Variants in USP6 observed in about 807,000 individuals in gnomAD.
USP6 encodes the protein ubiquitin specific peptidase 6, also known as ubiquitin carboxyl-terminal hydrolase 6.
USP6 carries 128 observed loss-of-function variants against 175.7 expected under a neutral mutation model. The observed-to-expected ratio is 0.73, with a 90% CI of 0.63 to 0.84. The LOEUF (loss-of-function observed/expected upper bound fraction) is 0.84. USP6 is among the 40% of genes least tolerant of loss of function. The pLI, the probability that USP6 is intolerant of heterozygous loss-of-function variation, is 0.00. For synonymous variants in USP6, 562 were observed against 630.6 expected, an observed-to-expected ratio of 0.89 and a Z score of 1.63; for missense variants, 1,498 against 1,760.3, an observed-to-expected ratio of 0.85 and a Z score of 2.67.
chr17:5,165,666 T>C (rs1373896217), intron 33 of USP6, among the ~76,000 whole-genome samples: 2 of 152,216 alleles, frequency 1.3e-5, no homozygotes, highest in Non-Finnish European at 2.9e-5. Flanking sequence ...AATAGTCTTA[T>C]ATGAAAACTA....
At chr17:5,135,331 A>G (rs2073218517) in intron 16 of USP6, 49 bp downstream of exon 16, 31 of 1,602,066 alleles carry the variant, frequency 1.9e-5, no homozygotes, top group Non-Finnish European at 2.6e-5. Context: ...CCATATTCAC[A>G]GGAGTGGGTG....
In USP6 at chr17:5,171,695, C is replaced by G. The variant is rs2074221185; in HGVS notation, c.4047+16C>G. 6.2e-7 allele frequency: 1 copy of G among 1,610,812 alleles called. No individual in the cohort carries two copies. Among genetic ancestry groups the G allele is most frequent in the Non-Finnish European group, 8.5e-7 (1 of 1,177,902 alleles). ...CAGCTGTGAGGTAAACATTCTCAAT[C>G]TTTGAATGAAAGTTAGAATATCAAC... On this transcript the variant is annotated intron_variant, in intron 37 of 37. Coordinates refer to ENST00000574788, the MANE Select transcript of USP6 (RefSeq NM_001304284.2).
chr17:5,150,864 T>G (rs774184194), intron 30 of USP6, among the ~76,000 whole-genome samples: 2 of 152,172 alleles, frequency 1.3e-5, no homozygotes, highest in Admixed American at 6.5e-5. Flanking sequence ...GGGGGCTTCC[T>G]CCAAAGGTTC....
intron 4 of USP6, among the ~76,000 whole-genome samples, chr17:5,122,779 G>A (rs371373081): frequency 1.3e-5 from 2 of 152,238 alleles, no homozygotes; most frequent in Admixed American, 6.5e-5. Flanking sequence ...TCTCAGGTCC[G>A]GTAGGGCGAG....
intron 21 of USP6, 96 bp from the exon 22 acceptor site, chr17:5,139,158 AC>A: frequency 1.9e-6 from 3 of 1,597,948 alleles, no homozygotes; most frequent in Non-Finnish European, 2.5e-6. Flanking sequence ...CCACACAGAG[AC>A]CCCAAGGACT....
rs201737940 is a variant in USP6, at chr17:5,139,675, G to A, written c.1498+1G>A. 3.1e-6 allele frequency: 5 copies of A among 1,606,916 alleles called. No individual in the cohort carries two copies. In the Admixed American group the frequency reaches 6.7e-5, roughly 21 times the overall value. On this transcript the variant is annotated splice_donor_variant, in intron 22 of 37. Coordinates refer to ENST00000574788, the MANE Select transcript of USP6 (RefSeq NM_001304284.2). LOFTEE classifies it high-confidence loss of function. ...TGGCAGGCTGAACACTGCGGAGAGG[G>A]TGAGGTTGGCTTTCACTGCACTGAG...
chr17:5,117,103 G>C (rs963389745), intron 1 of USP6, among the ~76,000 whole-genome samples: 1 of 152,198 alleles, frequency 6.6e-6, no homozygotes, highest in Non-Finnish European at 1.5e-5. Flanking sequence ...GGCACTTATG[G>C]TTGCAACTTT....
At position 5,147,106 on chromosome 17, in the gene USP6, A is replaced by C; in HGVS notation, c.2343A>C (p.Lys781Asn). 13 of 1,613,146 alleles carry C rather than the reference A, an allele frequency of 8.1e-6. No homozygotes were observed. Among genetic ancestry groups the C allele is most frequent in the Non-Finnish European group, 1.1e-5 (13 of 1,179,680 alleles). ...NIKNFPQDNQ[K>N]VQLSVSGFLC... Reference sequence around the variant, plus strand: ...AGAACTTTCCTCAGGATAACCAAAAAGTACAACTCTCAGTGAGCGGATTTT... The same window carrying C: ...AGAACTTTCCTCAGGATAACCAAAACGTACAACTCTCAGTGAGCGGATTTT... Residue 781 changes from lysine (K) to asparagine (N), a missense_variant, in exon 29 of 38, where the codon AAA becomes AAC. Around this residue, in one of 2 missense-constraint regions of USP6, gnomAD observed 1,217 missense variants for 1,500.8 expected, o/e 0.81. Transcript: ENST00000574788.
intron 31 of USP6, 106 bp downstream of exon 31, chr17:5,155,712 C>A: frequency 9.4e-7 from 1 of 1,069,372 alleles, no homozygotes; most frequent in Non-Finnish European, 1.2e-6. Context: ...AAGTTTGGCG[C>A]CCAGCCAAAA....
chr17:5,133,284 C>T (rs2073135779), intron 13 of USP6, among the ~76,000 whole-genome samples, 159 bp from the exon 14 acceptor site: 1 of 152,132 alleles, frequency 6.6e-6, no homozygotes, highest in Non-Finnish European at 1.5e-5. Context: ...AGTGTCCATC[C>T]ACTCTTTCAG....
intron 32 of USP6, among the ~76,000 whole-genome samples, chr17:5,162,183 G>T (rs1018203254): frequency 6.6e-6 from 1 of 151,900 alleles, no homozygotes; most frequent in Non-Finnish European, 1.5e-5. Flanking sequence ...ATGGAGTCTC[G>T]CTGTGTCACC....
In USP6 at chr17:5,144,814, T is replaced by A; in HGVS notation, c.1943T>A (p.Val648Glu). 6.2e-7 allele frequency: 1 copy of A among 1,613,222 alleles called. No homozygotes were observed. Among genetic ancestry groups the A allele is most frequent in the Non-Finnish European group, 8.5e-7 (1 of 1,179,286 alleles). Residue 648 changes from valine (V) to glutamate (E), a missense_variant, in exon 26 of 38, where the codon GTG becomes GAG. Physicochemically the swap from Val to Glu is moderately radical, Grantham distance 121. This residue lies in a region of USP6 where 1,217 missense variants were observed against 1,500.8 expected (regional missense o/e 0.81). Transcript: ENST00000574788. Reference sequence around the variant, plus strand: ...AACCGAGTCCATGAAAAGCCATATGTGGAACTGAAGGACAGTGATGGCCGA... The same window carrying A: ...AACCGAGTCCATGAAAAGCCATATGAGGAACTGAAGGACAGTGATGGCCGA... Reference protein sequence around the residue: ...DLNRVHEKPYVELKDSDGRPD... With the variant: ...DLNRVHEKPYEELKDSDGRPD...
intron 6 of USP6, 53 bp downstream of exon 6, chr17:5,125,991 T>A (rs2072883020): frequency 6.6e-6 from 1 of 152,146 alleles, no homozygotes; most frequent in Non-Finnish European, 1.5e-5. Context: ...GTCAGGCTGG[T>A]CTCGAACTCC....
chr17:5,169,126 T>C, intron 35 of USP6, 71 bp downstream of exon 35: 1 of 1,465,746 alleles, frequency 6.8e-7, no homozygotes, highest in African/African-American at 1.4e-5. Flanking sequence ...CTCTGTCTTC[T>C]GTTCTGGAAC....
intron 33 of USP6, among the ~76,000 whole-genome samples, 193 bp downstream of exon 33, chr17:5,163,197 T>C (rs974836458): frequency 2.6e-5 from 4 of 152,204 alleles, no homozygotes; most frequent in African/African-American, 9.6e-5. Flanking sequence ...TTCATTGTAT[T>C]GGGGCATTGT....
intron 28 of USP6, among the ~76,000 whole-genome samples, chr17:5,146,787 A>G (rs1464097566): frequency 1.3e-5 from 2 of 152,206 alleles, no homozygotes; most frequent in East Asian, 1.9e-4. Context: ...AAATGCAACA[A>G]TGGCGTCTCT....
At chr17:5,136,176 CCA>C (rs1215897124) in intron 17 of USP6, among the ~76,000 whole-genome samples, 2 of 152,242 alleles carry the variant, frequency 1.3e-5, no homozygotes, top group African/African-American at 4.8e-5. Context: ...TGTCCTGGAG[CCA>C]CATCCTCCGG....
intron 21 of USP6, 60 bp downstream of exon 21, chr17:5,138,333 G>A (rs891153811): frequency 5.2e-5 from 84 of 1,607,194 alleles, no homozygotes; most frequent in Non-Finnish European, 4.8e-5. Flanking sequence ...ATAGTGGGCG[G>A]GTGCCCCGGA....
chr17:5,138,111 C>T lies in USP6; in HGVS notation c.926-10C>T. ...GAACTCTCCTGGCCTGATATCCACC[C>T]TGTCCCTAGAGCGCCTCATGAAGAC... is the stretch of plus-strand genomic sequence containing the variant. On this transcript the variant is annotated splice_polypyrimidine_tract_variant and intron_variant, in intron 20 of 37. Coordinates refer to ENST00000574788, the MANE Select transcript of USP6 (RefSeq NM_001304284.2). The T allele has an allele frequency of 6.2e-7, 1 of 1,614,068 alleles. No homozygotes were observed. Among genetic ancestry groups the T allele is most frequent in the South Asian group, 1.1e-5 (1 of 91,084 alleles).
Sources: gnomAD v4.1 joint callset for allele counts (sites outside exome capture counted in the v4.1 genomes callset) on GRCh38, gnomAD v4.1.1 for gene constraint, gnomAD v4.1.1 regional missense constraint, MANE v1.5 for transcripts, NCBI Gene and HGNC (gene_info 2026-07-23, HGNC 2026-07-21) for gene names.